Variants in RAP1GAP2 observed in about 807,000 individuals in gnomAD.
RAP1GAP2 encodes the protein rap1 GTPase-activating protein 2.
Under a neutral mutation model 95.0 loss-of-function variants are expected in RAP1GAP2, and 27 were observed. That is an observed-to-expected ratio of 0.28 (90% confidence interval 0.21 to 0.39). The LOEUF (loss-of-function observed/expected upper bound fraction) is 0.39. Ranked by LOEUF, RAP1GAP2 falls within the 10% of genes least tolerant of loss-of-function variation. The probability of loss-of-function intolerance (pLI) is 1.00; values close to 1 mark genes in which losing one functional copy is unlikely to be tolerated. For missense variants in RAP1GAP2, 771 were observed against 970.0 expected, an observed-to-expected ratio of 0.79 and a Z score of 2.72; for synonymous variants, 373 against 380.9, an observed-to-expected ratio of 0.98 and a Z score of 0.24.
chr17:2,848,028 A>G (rs960300807), intron 2 of RAP1GAP2, among the ~76,000 whole-genome samples: 3 of 152,214 alleles, frequency 2.0e-5, no homozygotes, highest in Admixed American at 2.0e-4. Context: ...CAAGTGATAT[A>G]TGAAGAACTT....
At position 2,827,543 on chromosome 17, in the gene RAP1GAP2, C is replaced by T. The variant is rs531948023; in HGVS notation, c.80+26993C>T. ...ACATTTGAGGCCTGGCGCGGTGGCT[C>T]ATGCCTGTAATCCCAGCACTTTGGG... On this transcript the variant is annotated intron_variant, in intron 2 of 24. Transcript: ENST00000254695. This position sits in a 1 kb window ranked among gnomAD's most constrained non-coding sequence, Gnocchi z 4.1. Among the ~76,000 whole-genome samples the T allele has an allele frequency of 2.6e-5, 4 of 152,250 alleles. No homozygotes were observed. In the South Asian group the frequency reaches 8.3e-4, roughly 32 times the overall value.
At chr17:2,806,319 A>G (rs1045193710) in intron 2 of RAP1GAP2, among the ~76,000 whole-genome samples, 1 of 152,070 alleles carries the variant, frequency 6.6e-6, no homozygotes, top group Non-Finnish European at 1.5e-5. Context: ...GACATTGTCC[A>G]TGAGAGCAGG....
At chr17:2,788,248 G>T (rs1470025166) in intron 1 of RAP1GAP2, among the ~76,000 whole-genome samples, 1 of 152,114 alleles carries the variant, frequency 6.6e-6, no homozygotes, top group African/African-American at 2.4e-5. Flanking sequence ...ATGTGTGTGT[G>T]TGTTTAGATT....
rs919462402 is a variant in RAP1GAP2 at position 2,827,288 on chromosome 17, C to T, written c.80+26738C>T. Among the ~76,000 whole-genome samples, 7 of 152,110 alleles carry T rather than the reference C, an allele frequency of 4.6e-5. No individual in the cohort carries two copies. The highest frequency in any genetic ancestry group is 7.3e-5 in the Non-Finnish European group (5 of 68,036). ...CATCCAACAGCTCTCATTCCCAAAG[C>T]GTGTTCTGAGTGTGAGTCCTACAAA... On this transcript the variant is annotated intron_variant, in intron 2 of 24. Transcript: ENST00000254695. The surrounding 1 kb of genome is among the most constrained non-coding windows in gnomAD (Gnocchi z 4.1).
In RAP1GAP2 at chr17:2,814,740, C is replaced by A. The variant is rs764150063; in HGVS notation, c.80+14190C>A. On this transcript the variant is annotated intron_variant, in intron 2 of 24. Coordinates refer to ENST00000254695, the MANE Select transcript of RAP1GAP2 (RefSeq NM_015085.5). ...TTACCGCAGTGTGGTACCACCCCCC[C>A]CAACCCCAACACCCAGCTCATTCTG... is the stretch of plus-strand genomic sequence containing the variant. Among the ~76,000 whole-genome samples, 15 of 152,240 alleles carry A rather than the reference C, an allele frequency of 9.9e-5. No homozygotes were observed. In the East Asian group the frequency reaches 2.1e-3, roughly 22 times the overall value.
chr17:3,003,249 C>G lies in RAP1GAP2; in HGVS notation c.1201-2120C>G, dbSNP rs1453334692. On this transcript the variant is annotated intron_variant, in intron 14 of 24. Coordinates refer to ENST00000254695, the MANE Select transcript of RAP1GAP2 (RefSeq NM_015085.5). The surrounding 1 kb of genome is among the most constrained non-coding windows in gnomAD (Gnocchi z 4.1). ...CATCAGAGCAGGCGAGAAATTGGCT[C>G]CACGGAGTCGGGTGTGCACGAAGCA... Among the ~76,000 whole-genome samples the G allele has an allele frequency of 6.6e-6, 1 of 152,122 alleles. No homozygotes were observed. Among genetic ancestry groups the G allele is most frequent in the Non-Finnish European group, 1.5e-5 (1 of 68,026 alleles).
At position 3,001,358 on chromosome 17, in the gene RAP1GAP2, AGCACCAG is replaced by A. The variant is rs1240123103; in HGVS notation, c.1200+2985_1200+2991del. On this transcript the variant is annotated intron_variant, in intron 14 of 24. Coordinates refer to ENST00000254695, the MANE Select transcript of RAP1GAP2 (RefSeq NM_015085.5). ...AGAAGAAGCAGGGAGTGCAGGTCCA[AGCACCAG>A]GCTGAAGTGAGGCTCGTGGAGGTAA... is the stretch of plus-strand genomic sequence containing the variant. Among the ~76,000 whole-genome samples the A allele has an allele frequency of 4.8e-4, 52 of 107,998 alleles. 1 individual carries two copies. The highest frequency in any genetic ancestry group is 1.8e-3 in the African/African-American group (46 of 25,584). 70.9% of individuals were successfully genotyped at this position (107,998 alleles called of 152,430 possible).
chr17:2,989,462 A>G (rs2045679380), intron 11 of RAP1GAP2, among the ~76,000 whole-genome samples: 1 of 152,000 alleles, frequency 6.6e-6, no homozygotes, highest in Non-Finnish European at 1.5e-5. Context: ...CCTCCCAGGT[A>G]GCTGGGACTA....
intron 3 of RAP1GAP2, among the ~76,000 whole-genome samples, chr17:2,910,547 C>T (rs1324921986): frequency 1.3e-5 from 2 of 152,102 alleles, no homozygotes; most frequent in African/African-American, 4.8e-5. Flanking sequence ...CTTGGCAGTG[C>T]AGGCTCAGGG....
chr17:2,816,010 C>A (rs79322816), intron 2 of RAP1GAP2, among the ~76,000 whole-genome samples: 1 of 151,662 alleles, frequency 6.6e-6, no homozygotes, highest in Admixed American at 6.6e-5. Context: ...CCCAGACAAG[C>A]GGGTTTTTAT....
At chr17:2,976,955 T>C (rs1048977566) in intron 8 of RAP1GAP2, among the ~76,000 whole-genome samples, 1 of 151,452 alleles carries the variant, frequency 6.6e-6, no homozygotes, top group Non-Finnish European at 1.5e-5. Flanking sequence ...GCCAACATGG[T>C]GAAATCCTGT....
intron 8 of RAP1GAP2, among the ~76,000 whole-genome samples, chr17:2,969,354 A>G (rs2044754343): frequency 6.6e-6 from 1 of 151,922 alleles, no homozygotes; most frequent in Admixed American, 6.6e-5. Context: ...ACAAAGTAAA[A>G]CAAAGCAAAA....
intron 13 of RAP1GAP2, among the ~76,000 whole-genome samples, chr17:2,997,399 T>C (rs1418246213): frequency 6.6e-6 from 1 of 152,226 alleles, no homozygotes; most frequent in Non-Finnish European, 1.5e-5. Flanking sequence ...AGCAGCTGAC[T>C]TAGCCCTTGC....
chr17:2,800,365 C>T (rs1201615603), intron 1 of RAP1GAP2, 150 bp from the exon 2 acceptor site: 2 of 1,255,964 alleles, frequency 1.6e-6, no homozygotes, highest in Non-Finnish European at 2.2e-6. Flanking sequence ...GTCTCTCCCC[C>T]TGCTAGCGGA....
At chr17:2,782,323 C>A (rs149449381) in intron 1 of RAP1GAP2, among the ~76,000 whole-genome samples, 15 of 152,326 alleles carry the variant, frequency 9.8e-5, no homozygotes, top group Non-Finnish European at 1.9e-4. Flanking sequence ...GGCTCAAGCT[C>A]TGAGTTGAGG....
intron 2 of RAP1GAP2, among the ~76,000 whole-genome samples, chr17:2,890,462 A>G (rs1328200211): frequency 1.3e-5 from 2 of 152,064 alleles, no homozygotes; most frequent in Non-Finnish European, 2.9e-5. Flanking sequence ...GCTTAGCTGG[A>G]AGGCCGGTTG....
chr17:2,815,278 G>A (rs893899868), intron 2 of RAP1GAP2, among the ~76,000 whole-genome samples: 1 of 152,060 alleles, frequency 6.6e-6, no homozygotes, highest in Non-Finnish European at 1.5e-5. Context: ...CGTACTCTGG[G>A]TGACCTGGGG....
chr17:2,867,677 G>T lies in RAP1GAP2; in HGVS notation c.81-37607G>T, dbSNP rs896447459. Among the ~76,000 whole-genome samples the T allele has an allele frequency of 6.6e-6, 1 of 152,110 alleles. No individual in the cohort carries two copies. Among genetic ancestry groups the T allele is most frequent in the African/African-American group, 2.4e-5 (1 of 41,422 alleles). ...TTCCCGGGATGCAGGGACTTGGCTG[G>T]GAGTATAGGAGGGATGGGTCACCTA... On this transcript the variant is annotated intron_variant, in intron 2 of 24. Coordinates refer to ENST00000254695, the MANE Select transcript of RAP1GAP2 (RefSeq NM_015085.5). This position sits in a 1 kb window ranked among gnomAD's most constrained non-coding sequence, Gnocchi z 4.5.
chr17:3,027,581 GGC>G lies in RAP1GAP2; in HGVS notation c.2107+513_2107+514del, dbSNP rs2151664192. 6.6e-6 allele frequency among the ~76,000 whole-genome samples: 1 copy of G among 152,212 alleles called. No homozygotes were observed. Among genetic ancestry groups the G allele is most frequent in the East Asian group, 1.9e-4 (1 of 5,166 alleles). ...CATGGCAGCTGGGTTCACAGAGCCAGGCGTCAGAGAGGCCGGAGCGTTGACAG... is the reference window on the plus strand; with the variant it reads ...CATGGCAGCTGGGTTCACAGAGCCAGGTCAGAGAGGCCGGAGCGTTGACAG... On this transcript the variant is annotated intron_variant, in intron 22 of 24. Transcript: ENST00000254695. This position sits in a 1 kb window ranked among gnomAD's most constrained non-coding sequence, Gnocchi z 5.2.
Sources: allele counts gnomAD v4.1 joint callset (sites outside exome capture counted in the v4.1 genomes callset), GRCh38; gene constraint gnomAD v4.1.1; non-coding constraint Gnocchi (gnomAD v3.1); transcripts MANE v1.5; gene names NCBI Gene and HGNC (gene_info 2026-07-23, HGNC 2026-07-21).